STX17: variants seen among roughly 807,000 people sequenced by gnomAD.
STX17 encodes the protein syntaxin-17.
A neutral mutation model predicts 35.9 loss-of-function variants in STX17; 29 were observed. That is an observed-to-expected ratio of 0.81 (90% CI 0.60 to 1.10). The LOEUF (loss-of-function observed/expected upper bound fraction) is 1.10, where lower values mean the gene tolerates loss of function less well. Among genes scored for constraint, STX17 ranks in the 50% least tolerant of loss-of-function variants. STX17 has a pLI of 0.00. For synonymous variants in STX17, 92 were observed against 118.3 expected, an observed-to-expected ratio of 0.78 and a Z score of 1.44; for missense variants, 312 against 352.3, an observed-to-expected ratio of 0.89 and a Z score of 0.92.
At chr9:99,967,503 G>T (rs916862810) in intron 6 of STX17, 150 bp from the exon 7 acceptor site, 71 of 393,258 alleles carry the variant, frequency 1.8e-4, no homozygotes, top group South Asian at 5.1e-4. Context: ...TTGTCCTTTC[G>T]ACATGGCTTA....
chr9:99,936,706 C>CTA (rs1338113771), intron 3 of STX17, among the ~76,000 whole-genome samples: 1 of 152,050 alleles, frequency 6.6e-6, no homozygotes, highest in Non-Finnish European at 1.5e-5. Context: ...AACAATACAC[C>CTA]TATATTTCTC....
At position 99,956,323 on chromosome 9, in the gene STX17, T is replaced by A. The variant is rs1829710059; in HGVS notation, c.416-3594T>A. Among the ~76,000 whole-genome samples, 5 of 152,190 alleles carry A rather than the reference T, an allele frequency of 3.3e-5. No homozygotes were observed. The South Asian group carries it at 8.3e-4, about 25-fold the overall frequency. The stretch of plus-strand genomic sequence containing the variant: ...AATAATCTGTCCTCATTTCATTGCA[T>A]ACCCTCGCAAACTTCATTTGAATCC... On this transcript the variant is annotated intron_variant, in intron 4 of 7. Transcript: ENST00000259400.
In STX17 at chr9:99,933,418, C is replaced by A. The variant is rs533785624; in HGVS notation, c.189+4575C>A. Among the ~76,000 whole-genome samples, 22 of 152,226 alleles carry A rather than the reference C, an allele frequency of 1.4e-4. No homozygotes were observed. The South Asian group carries it at 4.4e-3, about 30-fold the overall frequency. On this transcript the variant is annotated intron_variant, in intron 3 of 7. Transcript: ENST00000259400. ...TTTTGGCTATACTTGGCTCTTTAGT[C>A]CTCCATATGAAATTCAGAATCAGCT... is the stretch of plus-strand genomic sequence containing the variant.
chr9:99,938,698 G>T (rs1829287872), intron 3 of STX17, among the ~76,000 whole-genome samples: 1 of 148,950 alleles, frequency 6.7e-6, no homozygotes, highest in South Asian at 2.2e-4. Flanking sequence ...GAGGTGGGAG[G>T]ATTTCTTGAG....
rs762437652 is a variant in STX17, at chr9:99,951,115, A to C, written c.245A>C (p.Asp82Ala). The change falls in exon 4 of 8, where the codon GAT becomes GCT. Residue 82 changes from aspartate to alanine, a missense_variant. By Grantham distance (126) the Asp-to-Ala change is moderately radical (BLOSUM62 -2). Coordinates refer to ENST00000259400, the MANE Select transcript of STX17 (RefSeq NM_017919.3). ...AAACTTTGTTTGAAAGTCCGAAAGG[A>C]TGACCTAGTACTTCTGAAGAGAATG... ...IEKLCLKVRK[D>A]DLVLLKRMID... 3 of 1,612,698 alleles carry C rather than the reference A, an allele frequency of 1.9e-6. No homozygotes were observed. The Admixed American group carries it at 5.0e-5, about 27-fold the overall frequency.
Position 99,969,821 on chromosome 9 carries a change from A to T in STX17, c.*1148A>T, listed in dbSNP as rs1005061053. The T allele has an allele frequency of 6.6e-6, 1 of 152,580 alleles. No individual in the cohort carries two copies. The highest frequency in any genetic ancestry group is 2.4e-5 in the African/African-American group (1 of 41,382). The allele number at this position is 152,580 out of a possible 1,614,324, so 9.5% of individuals were successfully genotyped here. On this transcript the variant is annotated 3_prime_UTR_variant, in exon 8 of 8. Coordinates refer to ENST00000259400, the MANE Select transcript of STX17 (RefSeq NM_017919.3). ...CTATAGCTGGTGTTTCTTCCCCAAAATGGCGTTCCCATGCTTACCTTTCTC... is the reference window on the plus strand; with the variant it reads ...CTATAGCTGGTGTTTCTTCCCCAAATTGGCGTTCCCATGCTTACCTTTCTC...
intron 4 of STX17, among the ~76,000 whole-genome samples, chr9:99,956,781 C>G (rs995932002): frequency 6.6e-6 from 1 of 152,150 alleles, no homozygotes; most frequent in African/African-American, 2.4e-5. Context: ...TTGACTATGG[C>G]CTTCCTAAAC....
At chr9:99,926,990 G>C (rs1828998465) in intron 2 of STX17, among the ~76,000 whole-genome samples, 1 of 152,176 alleles carries the variant, frequency 6.6e-6, no homozygotes, top group South Asian at 2.1e-4. Flanking sequence ...TATTCTACCT[G>C]TTCTTTTTCT....
At chr9:99,909,356 G>A (rs1298396513) in intron 1 of STX17, among the ~76,000 whole-genome samples, 1 of 152,214 alleles carries the variant, frequency 6.6e-6, no homozygotes, top group African/African-American at 2.4e-5. Context: ...TTTGACTAGA[G>A]TGATAGGATT....
chr9:99,967,848 G>A, intron 7 of STX17, 109 bp downstream of exon 7: 1 of 889,894 alleles, frequency 1.1e-6, no homozygotes, highest in Non-Finnish European at 1.9e-6. Flanking sequence ...CAGCAATTAA[G>A]GAAATAAGGA....
Position 99,968,867 on chromosome 9 carries a change from G to A in STX17, c.*194G>A. On this transcript the variant is annotated 3_prime_UTR_variant, in exon 8 of 8. Coordinates refer to ENST00000259400, the MANE Select transcript of STX17 (RefSeq NM_017919.3). The stretch of plus-strand genomic sequence containing the variant: ...TTCATGGAGATGTTAAGAGATTGAG[G>A]CCCTGGGCTGAGGGTATATAATGTA... 1 of 749,606 alleles carries A rather than the reference G, an allele frequency of 1.3e-6. No individual in the cohort carries two copies. Among genetic ancestry groups the A allele is most frequent in the Non-Finnish European group, 2.0e-6 (1 of 503,842 alleles). 46.4% of individuals were successfully genotyped at this position (749,606 alleles called of 1,614,324 possible).
intron 1 of STX17, among the ~76,000 whole-genome samples, chr9:99,909,189 G>A (rs142386067): frequency 1.2e-3 from 189 of 152,288 alleles, no homozygotes; most frequent in African/African-American, 4.4e-3. Flanking sequence ...TTCTAAAGTG[G>A]CTTAGATAAT....
intron 3 of STX17, among the ~76,000 whole-genome samples, chr9:99,941,776 C>G (rs1564067541): frequency 1.3e-5 from 2 of 152,254 alleles, no homozygotes; most frequent in East Asian, 1.9e-4. Context: ...AACAAGATAT[C>G]TTTTGTGTCT....
intron 3 of STX17, among the ~76,000 whole-genome samples, chr9:99,938,915 G>A (rs537423418): frequency 9.3e-4 from 142 of 152,224 alleles, no homozygotes; most frequent in Non-Finnish European, 1.7e-3. Flanking sequence ...TGAGGTCACA[G>A]ATTTCTGGGA....
At chr9:99,923,147 GT>G (rs1828921283) in intron 2 of STX17, among the ~76,000 whole-genome samples, 1 of 148,796 alleles carries the variant, frequency 6.7e-6, no homozygotes, top group South Asian at 2.1e-4. Context: ...TTTATTTTAG[GT>G]TCAGGGAGTA....
intron 2 of STX17, among the ~76,000 whole-genome samples, chr9:99,924,920 T>G (rs963333672): frequency 6.6e-6 from 1 of 152,196 alleles, no homozygotes; most frequent in African/African-American, 2.4e-5. Context: ...TGTAGATTCC[T>G]GCTGTCAGGT....
At chr9:99,957,285 A>C (rs927279544) in intron 4 of STX17, among the ~76,000 whole-genome samples, 1 of 152,222 alleles carries the variant, frequency 6.6e-6, no homozygotes, top group Non-Finnish European at 1.5e-5. Context: ...GATGCCACCC[A>C]CAGCTCGGAA....
At chr9:99,956,737 G>A (rs1829718130) in intron 4 of STX17, among the ~76,000 whole-genome samples, 1 of 152,188 alleles carries the variant, frequency 6.6e-6, no homozygotes, top group African/African-American at 2.4e-5. Context: ...AACATTCTCA[G>A]TTGTGATAAA....
At chr9:99,949,787 G>T (rs755368040) in intron 3 of STX17, among the ~76,000 whole-genome samples, 47 of 151,894 alleles carry the variant, frequency 3.1e-4, no homozygotes, top group Admixed American at 3.3e-4. Context: ...ATCTTAAAGG[G>T]ATTGTTTCTT....
Sources: gnomAD v4.1 joint callset for allele counts (sites outside exome capture counted in the v4.1 genomes callset) on GRCh38, gnomAD v4.1.1 for gene constraint, MANE v1.5 for transcripts, NCBI Gene and HGNC (gene_info 2026-07-23, HGNC 2026-07-21) for gene names.